PAK6: variants seen among roughly 807,000 people sequenced by gnomAD.
PAK6 encodes p21 (RAC1) activated kinase 6.
PAK6 carries 33 observed loss-of-function variants against 60.8 expected under a neutral mutation model. The observed-to-expected ratio is 0.54, with a 90% CI of 0.41 to 0.73. The LOEUF is 0.73. Among genes scored for constraint, PAK6 ranks in the 30% least tolerant of loss-of-function variants. PAK6 has a pLI of 0.00. For missense variants in PAK6, 845 were observed against 904.1 expected (o/e 0.93, Z 0.84); for synonymous variants, 404 against 378.5 (o/e 1.07, Z -0.78).
At chr15:40,251,295 C>T (rs2038660468) in intron 2 of PAK6, 1 of 152,236 alleles carries the variant, frequency 6.6e-6, no homozygotes, top group Non-Finnish European at 1.5e-5. Flanking sequence ...CTGCACCTGG[C>T]ACCATGCTTT....
intron 2 of PAK6, chr15:40,247,212 C>T (rs957234540): frequency 6.6e-6 from 1 of 152,268 alleles, no homozygotes; most frequent in Non-Finnish European, 1.5e-5. Flanking sequence ...GTTTCCCATT[C>T]AAGGAGGCAT....
chr15:40,275,873 T>C, intron 10 of PAK6, 54 bp from the exon 11 acceptor site: 1 of 1,523,638 alleles, frequency 6.6e-7, no homozygotes, highest in Non-Finnish European at 9.0e-7. Flanking sequence ...GGCAATCAGG[T>C]CACCCCGAAG....
intron 2 of PAK6, chr15:40,245,200 C>G (rs917409185): frequency 6.6e-5 from 10 of 152,306 alleles, no homozygotes; most frequent in African/African-American, 2.4e-4. Context: ...TCTGGGTGTC[C>G]AGGGAAGCAG....
chr15:40,274,425 C>G lies in PAK6; in HGVS notation c.1878+149C>G, dbSNP rs2039393694. The G allele has an allele frequency of 4.8e-6, 4 of 831,740 alleles. No individual in the cohort carries two copies. In the Admixed American group the frequency reaches 9.0e-5, roughly 19 times the overall value. 51.5% of individuals were successfully genotyped at this position (831,740 alleles called of 1,614,324 possible). On this transcript the variant is annotated intron_variant, in intron 10 of 10. Coordinates refer to ENST00000560346, the Ensembl canonical transcript of PAK6. ...CTCCTCTTTCCCCACACAAAACCCG[C>G]ACCTGGGTGTGGAGCCGCATCTACG...
chr15:40,264,522 G>T, intron 3 of PAK6: 1 of 593,496 alleles, frequency 1.7e-6, no homozygotes, highest in Non-Finnish European at 3.1e-6. Flanking sequence ...TAGGGGACTT[G>T]GCACAGGCAA....
chr15:40,246,665 A>G (rs2038503813), intron 2 of PAK6: 1 of 152,254 alleles, frequency 6.6e-6, no homozygotes, highest in African/African-American at 2.4e-5. Context: ...CAGTGGTGTT[A>G]CCAGAACCCT....
intron 2 of PAK6, among the ~76,000 whole-genome samples, chr15:40,248,491 G>A (rs1242548686): frequency 1.3e-5 from 2 of 152,192 alleles, no homozygotes; most frequent in Non-Finnish European, 1.5e-5. Context: ...CCACCTCCCC[G>A]GCAGGTCCTG....
intron 2 of PAK6, chr15:40,252,785 G>A (rs775870746): frequency 1.5e-6 from 2 of 1,299,774 alleles, no homozygotes; most frequent in East Asian, 5.5e-5. Flanking sequence ...CCCGAAGTTC[G>A]GGACCAGCCG....
At chr15:40,256,901 A>G (rs2038850141) in intron 3 of PAK6, 1 of 152,196 alleles carries the variant, frequency 6.6e-6, no homozygotes, top group African/African-American at 2.4e-5. Context: ...GCAGGAACAG[A>G]TGCTCCCCCT....
At chr15:40,246,852 A>G (rs879304083) in intron 2 of PAK6, 2 of 152,338 alleles carry the variant, frequency 1.3e-5, no homozygotes, top group Non-Finnish European at 2.9e-5. Flanking sequence ...CCCAGGGCAC[A>G]TGCAGAGGTC....
exon 6 of PAK6, chr15:40,272,508 C>A: frequency 6.2e-7 from 1 of 1,613,846 alleles, no homozygotes; most frequent in African/African-American, 1.3e-5. Context: ...CTGGTGAGGA[C>A]ACAGGTGTTG....
chr15:40,271,305 T>G (rs911535455), intron 5 of PAK6, among the ~76,000 whole-genome samples: 3 of 152,186 alleles, frequency 2.0e-5, no homozygotes, highest in Non-Finnish European at 4.4e-5. Context: ...CTTCCAGGGC[T>G]GGGCCTGAGC....
At chr15:40,255,632 C>G (rs2038813285) in intron 3 of PAK6, among the ~76,000 whole-genome samples, 1 of 152,114 alleles carries the variant, frequency 6.6e-6, no homozygotes, top group Non-Finnish European at 1.5e-5. Context: ...GGATAGGGTG[C>G]TGGGGTGCCA....
intron 4 of PAK6, 97 bp downstream of exon 4, chr15:40,265,086 C>A: frequency 1.9e-6 from 2 of 1,053,850 alleles, no homozygotes; most frequent in Non-Finnish European, 2.7e-6. Context: ...GAACCACCTA[C>A]TTCACAGCTA....
exon 11 of PAK6, chr15:40,276,190 T>G (rs1480472903): frequency 5.9e-6 from 7 of 1,187,914 alleles, no homozygotes; most frequent in African/African-American, 1.5e-5. Context: ...CCTCTCAGTA[T>G]TCTCTCCAAA....
chr15:40,270,383 A>G (rs904831963), intron 5 of PAK6, among the ~76,000 whole-genome samples: 5 of 152,156 alleles, frequency 3.3e-5, no homozygotes, highest in African/African-American at 1.2e-4. Context: ...ACCTTGTTCA[A>G]ATGCAGTCTC....
intron 2 of PAK6, among the ~76,000 whole-genome samples, chr15:40,248,157 A>G (rs2038548414): frequency 6.6e-6 from 1 of 152,164 alleles, no homozygotes; most frequent in African/African-American, 2.4e-5. Context: ...CTCTGCAGCT[A>G]GACTCCGTCA....
exon 11 of PAK6, chr15:40,275,986 A>C (rs779831380): frequency 1.2e-6 from 2 of 1,613,022 alleles, no homozygotes; most frequent in Non-Finnish European, 1.7e-6. Context: ...CCCAAGAGAG[A>C]GCCACAGCCC....
chr15:40,255,554 T>TC (rs540754865), intron 3 of PAK6, among the ~76,000 whole-genome samples: 106 of 152,174 alleles, frequency 7.0e-4, no homozygotes, highest in African/African-American at 2.4e-3. Flanking sequence ...AGGACCCTCC[T>TC]CCCCCGCAGG....
Sources: allele counts gnomAD v4.1 joint callset (sites outside exome capture counted in the v4.1 genomes callset), GRCh38; gene constraint gnomAD v4.1.1; transcripts MANE v1.5; gene names NCBI Gene and HGNC (gene_info 2026-07-23, HGNC 2026-07-21).